IVD: variants seen among roughly 807,000 people sequenced by gnomAD.
IVD encodes the protein isovaleryl-CoA dehydrogenase, mitochondrial.
In IVD, 31 loss-of-function variants were observed where a neutral mutation model predicts 51.3. The observed-to-expected ratio is 0.60, with a 90% CI of 0.45 to 0.81. The LOEUF (loss-of-function observed/expected upper bound fraction) is 0.81, where lower values mean the gene tolerates loss of function less well. Ranked by LOEUF, IVD falls within the 40% of genes least tolerant of loss-of-function variation. IVD has a pLI of 0.00. For synonymous variants in IVD, 205 were observed against 219.4 expected, an observed-to-expected ratio of 0.93 and a Z score of 0.58; for missense variants, 475 against 552.0, an observed-to-expected ratio of 0.86 and a Z score of 1.40.
At chr15:40,410,950 A>G (rs1016298641) in intron 4 of IVD, among the ~76,000 whole-genome samples, 153 bp downstream of exon 4, 16 of 152,260 alleles carry the variant, frequency 1.1e-4, no homozygotes, top group Admixed American at 2.0e-4. Flanking sequence ...TTGCTTTAAA[A>G]TACTTGAGCC....
rs114588179 is a variant in IVD, at chr15:40,411,791, C to G, written c.687+100C>G. 6.2e-5 allele frequency: 87 copies of G among 1,401,944 alleles called. No homozygotes were observed. In the African/African-American group the frequency reaches 1.2e-3, roughly 19 times the overall value. 86.8% of individuals were successfully genotyped at this position (1,401,944 alleles called of 1,614,324 possible). ...TCTCAAATGGAATCAGTGTTGTGTG[C>G]TCTGCAAGGCCCCCAGAGGTGGGGG... On this transcript the variant is annotated intron_variant, in intron 6 of 11. Transcript: ENST00000487418.
Position 40,418,168 on chromosome 15 carries a change from T to G in IVD, c.1177T>G (p.Phe393Val). ...CATCAATGACTTTCCCATGGGCCGC[T>G]TTCTTCGAGATGCCAAGCTGTATGA... Reference protein sequence around the residue: ...GYINDFPMGRFLRDAKLYEIG... With the variant: ...GYINDFPMGRVLRDAKLYEIG... Residue 393 changes from phenylalanine (F) to valine (V), a missense_variant, in exon 12 of 12, where the codon TTT becomes GTT. Transcript: ENST00000487418. The G allele has an allele frequency of 6.2e-7, 1 of 1,614,220 alleles. No homozygotes were observed. The highest frequency in any genetic ancestry group is 8.5e-7 in the Non-Finnish European group (1 of 1,180,042).
downstream of IVD, among the ~76,000 whole-genome samples, chr15:40,425,439 ACTAT>A (rs536340456): frequency 0.028 from 2,055 of 73,478 alleles, 64 homozygotes; most frequent in African/African-American, 0.085. Context: ...CTGGACTCAT[ACTAT>A]ATATATATAT....
At chr15:40,435,671 TAC>T, downstream of IVD, 1 of 1,039,666 alleles carries the variant, frequency 9.6e-7, no homozygotes, top group African/African-American at 1.7e-5. Context: ...TAGGTGGCCC[TAC>T]CCACTTCTCC....
chr15:40,417,502 CA>C (rs61345321), intron 11 of IVD, among the ~76,000 whole-genome samples: 6,116 of 88,532 alleles, frequency 0.069, 284 homozygotes, highest in African/African-American at 0.21. Flanking sequence ...AGCATGACTC[CA>C]AAAAAAAAAA....
downstream of IVD, among the ~76,000 whole-genome samples, chr15:40,422,926 A>G (rs1363107626): frequency 3.3e-5 from 5 of 150,480 alleles, no homozygotes; most frequent in Non-Finnish European, 5.9e-5. Flanking sequence ...TTGTTTGTTT[A>G]TTTATTTATT....
At chr15:40,408,137 TCAGCCCAGAGAA>T (rs1890665618) in intron 3 of IVD, 147 bp downstream of exon 3, 1 of 749,488 alleles carries the variant, frequency 1.3e-6, no homozygotes, top group African/African-American at 1.7e-5. Flanking sequence ...CCATTGATTG[TCAGCCCAGAGAA>T]CAGGACACTC....
chr15:40,424,163 T>C (rs991000160), downstream of IVD: 2 of 1,288,170 alleles, frequency 1.6e-6, no homozygotes, highest in South Asian at 2.5e-5. Flanking sequence ...TCCTCTACAC[T>C]GAACCAGTGA....
At chr15:40,416,224 C>T (rs1312834340) in intron 10 of IVD, 42 bp downstream of exon 10, 2 of 1,610,974 alleles carry the variant, frequency 1.2e-6, no homozygotes, top group South Asian at 2.2e-5. Context: ...GGGCAGTGGA[C>T]CAGCTGCTGA....
At chr15:40,427,812 C>G (rs1447270966), downstream of IVD, among the ~76,000 whole-genome samples, 1 of 152,184 alleles carries the variant, frequency 6.6e-6, no homozygotes, top group Non-Finnish European at 1.5e-5. Context: ...TCCTGCCCAG[C>G]CCCTCCTTTC....
intron 8 of IVD, among the ~76,000 whole-genome samples, chr15:40,434,799 C>G (rs1175763933): frequency 6.6e-6 from 1 of 152,222 alleles, no homozygotes; most frequent in Non-Finnish European, 1.5e-5. Flanking sequence ...CCCAGGGAAT[C>G]TGCTTCCCGG....
downstream of IVD, among the ~76,000 whole-genome samples, chr15:40,427,879 G>A (rs74834275): frequency 0.015 from 2,258 of 152,218 alleles, 20 homozygotes; most frequent in Non-Finnish European, 0.022. Flanking sequence ...ACCAGTCCAA[G>A]GTTGCTAATT....
At chr15:40,429,794 A>C (rs1892871024) in intron 7 of IVD, among the ~76,000 whole-genome samples, 1 of 152,246 alleles carries the variant, frequency 6.6e-6, no homozygotes, top group African/African-American at 2.4e-5. Context: ...GGCAGCTAAA[A>C]GAACAGAGTT....
intron 7 of IVD, among the ~76,000 whole-genome samples, chr15:40,432,521 G>T (rs999515369): frequency 3.3e-5 from 5 of 152,238 alleles, no homozygotes; most frequent in African/African-American, 1.2e-4. Flanking sequence ...GGAAAGGGCT[G>T]GTCCTGGCTC....
chr15:40,416,679 A>C (rs1382366021), intron 11 of IVD, among the ~76,000 whole-genome samples: 1 of 152,134 alleles, frequency 6.6e-6, no homozygotes, highest in Non-Finnish European at 1.5e-5. Flanking sequence ...CCTAGGTGAC[A>C]GAGCGAGAGG....
At chr15:40,410,504 A>T in intron 3 of IVD, 124 bp from the exon 4 acceptor site, 1 of 1,117,176 alleles carries the variant, frequency 9.0e-7, no homozygotes, top group Non-Finnish European at 1.4e-6. Context: ...TCTTGTTGCT[A>T]GAGAGAATTT....
At chr15:40,410,078 T>G (rs1328328175) in intron 3 of IVD, among the ~76,000 whole-genome samples, 1 of 152,130 alleles carries the variant, frequency 6.6e-6, no homozygotes, top group East Asian at 1.9e-4. Flanking sequence ...CCTCGTGATC[T>G]GCCCACCTCA....
At chr15:40,412,843 G>A (rs1047501582) in intron 6 of IVD, 148 bp from the exon 7 acceptor site, 18 of 674,062 alleles carry the variant, frequency 2.7e-5, no homozygotes, top group South Asian at 4.8e-5. Flanking sequence ...GGAAGGTCCC[G>A]GGGGGAGCAT....
At chr15:40,418,041 G>T in intron 11 of IVD, 89 bp from the exon 12 acceptor site, 1 of 1,576,208 alleles carries the variant, frequency 6.3e-7, no homozygotes, top group Non-Finnish European at 8.6e-7. Flanking sequence ...CTCTCCTCCT[G>T]TGGCCTGTTT....
Sources: gnomAD v4.1 joint callset for allele counts (sites outside exome capture counted in the v4.1 genomes callset) on GRCh38, gnomAD v4.1.1 for gene constraint, MANE v1.5 for transcripts, NCBI Gene and HGNC (gene_info 2026-07-23, HGNC 2026-07-21) for gene names.